Variants in SLC25A42 observed in about 807,000 individuals in gnomAD.
SLC25A42 encodes solute carrier family 25 member 42.
In SLC25A42, 19 loss-of-function variants were observed where a neutral mutation model predicts 34.7. The observed-to-expected ratio is 0.55, with a 90% CI of 0.38 to 0.80. SLC25A42 has a LOEUF of 0.80. SLC25A42 is among the 30% of genes least tolerant of loss of function. SLC25A42 has a pLI of 0.00. For missense variants in SLC25A42, 364 were observed against 441.3 expected (o/e 0.82, Z 1.57); for synonymous variants, 205 against 191.2 (o/e 1.07, Z -0.59).
chr19:19,098,597 A>G (rs1275814709), intron 2 of SLC25A42, among the ~76,000 whole-genome samples: 1 of 151,992 alleles, frequency 6.6e-6, no homozygotes, highest in African/African-American at 2.4e-5. Context: ...CCTATCTCAG[A>G]AAAACAACAC....
intron 1 of SLC25A42, among the ~76,000 whole-genome samples, chr19:19,077,063 A>G (rs1035192709): frequency 1.4e-4 from 22 of 152,308 alleles, no homozygotes; most frequent in African/African-American, 5.1e-4. Context: ...CCACACCTGT[A>G]GCCCCAGCTA....
At chr19:19,072,912 C>T (rs1851216813) in intron 1 of SLC25A42, among the ~76,000 whole-genome samples, 1 of 152,076 alleles carries the variant, frequency 6.6e-6, no homozygotes, top group South Asian at 2.1e-4. Flanking sequence ...GATCATAGCT[C>T]ACTGAAGCCT....
intron 1 of SLC25A42, among the ~76,000 whole-genome samples, chr19:19,066,384 CAT>C (rs2059602309): frequency 6.6e-6 from 1 of 151,952 alleles, no homozygotes; most frequent in Non-Finnish European, 1.5e-5. Context: ...ATTGAGCAGA[CAT>C]ATGCATTCTA....
At chr19:19,088,375 T>C (rs1955577551) in intron 1 of SLC25A42, among the ~76,000 whole-genome samples, 1 of 150,882 alleles carries the variant, frequency 6.6e-6, no homozygotes, top group African/African-American at 2.4e-5. Flanking sequence ...CTGGCTAATT[T>C]TTTTGTATTT....
intron 5 of SLC25A42, 88 bp from the exon 6 acceptor site, chr19:19,106,181 G>C: frequency 8.7e-7 from 1 of 1,151,088 alleles, no homozygotes; most frequent in Non-Finnish European, 1.3e-6. Flanking sequence ...CCCCGCCCCA[G>C]CAGAGACGTG....
chr19:19,086,485 A>G (rs532407211), intron 1 of SLC25A42, among the ~76,000 whole-genome samples: 3 of 151,972 alleles, frequency 2.0e-5, no homozygotes, highest in Non-Finnish European at 2.9e-5. Flanking sequence ...CCACGCAAAC[A>G]CCCTATTTCT....
At chr19:19,065,276 G>A (rs886732477) in intron 1 of SLC25A42, among the ~76,000 whole-genome samples, 2 of 152,076 alleles carry the variant, frequency 1.3e-5, no homozygotes, top group African/African-American at 4.8e-5. Context: ...TGCCGGGGCC[G>A]GGGCTCCCAG....
In SLC25A42 at chr19:19,110,927, T is replaced by C; in HGVS notation, c.*51T>C. ...GTGGACCGGTGACCCCTTTGTATTCTGGGCCCATGGAACGGTGGGGGGGTG... is the reference window on the plus strand; with the variant it reads ...GTGGACCGGTGACCCCTTTGTATTCCGGGCCCATGGAACGGTGGGGGGGTG... On this transcript the variant is annotated 3_prime_UTR_variant, in exon 8 of 8. Coordinates refer to ENST00000318596, the MANE Select transcript of SLC25A42 (RefSeq NM_178526.5). 1 of 1,596,076 alleles carries C rather than the reference T, an allele frequency of 6.3e-7. No homozygotes were observed. The highest frequency in any genetic ancestry group is 8.6e-7 in the Non-Finnish European group (1 of 1,167,732).
At chr19:19,080,106 C>T (rs964945178) in intron 1 of SLC25A42, among the ~76,000 whole-genome samples, 2 of 152,158 alleles carry the variant, frequency 1.3e-5, no homozygotes, top group African/African-American at 4.8e-5. Context: ...ACGGGTGTTC[C>T]GCATGTGTAG....
At chr19:19,067,052 A>T (rs1166413979) in intron 1 of SLC25A42, among the ~76,000 whole-genome samples, 2 of 151,448 alleles carry the variant, frequency 1.3e-5, no homozygotes, top group Non-Finnish European at 1.5e-5. Flanking sequence ...GCCAAGTAAA[A>T]GGGCATATTC....
In SLC25A42 at chr19:19,110,986, C is replaced by G; in HGVS notation, c.*110C>G. The G allele has an allele frequency of 1.6e-6, 2 of 1,258,954 alleles. No individual in the cohort carries two copies. The highest frequency in any genetic ancestry group is 4.5e-5 in the Admixed American group (2 of 43,968). 78.0% of individuals were successfully genotyped at this position (1,258,954 alleles called of 1,614,324 possible). On this transcript the variant is annotated 3_prime_UTR_variant, in exon 8 of 8. Transcript: ENST00000318596. ...TCTACTTCAGGAGGCACATGGGGCG[C>G]TTTATGGAACGAGCAGGTGGGCCTG...
Position 19,064,020 on chromosome 19 carries a change from AGCG to A in SLC25A42, c.-120_-118del. 6.5e-6 allele frequency: 1 copy of A among 152,694 alleles called. No individual in the cohort carries two copies. Among genetic ancestry groups the A allele is most frequent in the Non-Finnish European group, 1.5e-5 (1 of 68,384 alleles). 9.5% of individuals were successfully genotyped at this position (152,694 alleles called of 1,614,324 possible). ...AGGCGGGGCCGTGGCGGCTGGAGGT[AGCG>A]GCGGCGGCGACGCGTCCGGGCCGGT... On this transcript the variant is annotated 5_prime_UTR_variant, in exon 1 of 8. Transcript: ENST00000318596.
rs188460153 is a variant in SLC25A42 at position 19,066,883 on chromosome 19, G to A, written c.-35+2768G>A. 4.9e-3 allele frequency among the ~76,000 whole-genome samples: 744 copies of A among 152,218 alleles called. 9 individuals are homozygous for A. Among genetic ancestry groups the A allele is most frequent in the Middle Eastern group, 0.02 (6 of 294 alleles). ...ACACTTCAGACCCCCCTGTCTTGCT[G>A]GCCATGCCTGTAGTCCACAGTTACT... On this transcript the variant is annotated intron_variant, in intron 1 of 7. Transcript: ENST00000318596.
At chr19:19,103,324 G>A (rs1334092047) in intron 3 of SLC25A42, among the ~76,000 whole-genome samples, 2 of 152,088 alleles carry the variant, frequency 1.3e-5, no homozygotes, top group African/African-American at 4.8e-5. Flanking sequence ...TGAATTCCTA[G>A]CCTCAAGTGA....
chr19:19,067,382 G>C (rs922974594), intron 1 of SLC25A42, among the ~76,000 whole-genome samples: 1 of 151,942 alleles, frequency 6.6e-6, no homozygotes, highest in Admixed American at 6.6e-5. Flanking sequence ...AGGAGTTTCA[G>C]ACCAGCTCGG....
chr19:19,092,674 C>T (rs982137969), intron 1 of SLC25A42, among the ~76,000 whole-genome samples: 6 of 152,216 alleles, frequency 3.9e-5, no homozygotes, highest in African/African-American at 1.4e-4. Context: ...ACCCAGGCCT[C>T]GGGCACCTCA....
chr19:19,105,202 C>G (rs1161653805), intron 4 of SLC25A42: 3 of 577,434 alleles, frequency 5.2e-6, no homozygotes, highest in Non-Finnish European at 6.1e-6. Context: ...AGAGCAGGTG[C>G]TACTTTCTTA....
rs921800030 is a variant in SLC25A42, at chr19:19,112,603, C to T, written c.*1727C>T. The stretch of plus-strand genomic sequence containing the variant: ...GGGGCCACAGGCTAGGCAGGAGAGA[C>T]AAGGGGTAGGTGGGAGGGTCCCCCA... On this transcript the variant is annotated 3_prime_UTR_variant, in exon 8 of 8. Coordinates refer to ENST00000318596, the MANE Select transcript of SLC25A42 (RefSeq NM_178526.5). This position sits in a 1 kb window ranked among gnomAD's most constrained non-coding sequence, Gnocchi z 4.3. The T allele has an allele frequency of 6.6e-6, 1 of 152,464 alleles. No homozygotes were observed. Among genetic ancestry groups the T allele is most frequent in the Non-Finnish European group, 1.5e-5 (1 of 68,130 alleles). 9.4% of individuals were successfully genotyped at this position (152,464 alleles called of 1,614,324 possible). A position where few individuals can be genotyped will look rare whatever the true frequency, so the allele number is the denominator to read the frequency against.
chr19:19,089,141 C>T (rs1298685714), intron 1 of SLC25A42, among the ~76,000 whole-genome samples: 1 of 152,226 alleles, frequency 6.6e-6, no homozygotes, highest in Non-Finnish European at 1.5e-5. Flanking sequence ...GGCACCTGTT[C>T]TTTCTGTACT....
Sources: gnomAD v4.1 joint callset for allele counts (sites outside exome capture counted in the v4.1 genomes callset) on GRCh38, gnomAD v4.1.1 for gene constraint, Gnocchi (gnomAD v3.1) non-coding constraint, MANE v1.5 for transcripts, NCBI Gene and HGNC (gene_info 2026-07-23, HGNC 2026-07-21) for gene names.